Variants in SOX6 observed in about 807,000 individuals in gnomAD.
SOX6 encodes transcription factor SOX-6.
SOX6 carries 11 observed loss-of-function variants against 97.8 expected under a neutral mutation model. That is an observed-to-expected ratio of 0.11 (90% CI 0.07 to 0.19). SOX6 has a LOEUF of 0.19. SOX6 is among the 10% of genes least tolerant of loss of function. The pLI is 1.00. For synonymous variants in SOX6, 360 were observed against 371.4 expected (o/e 0.97, Z 0.35); for missense variants, 810 against 1,039.5 (o/e 0.78, Z 3.04).
intron 2 of SOX6, among the ~76,000 whole-genome samples, chr11:16,323,164 A>G (rs774911023): frequency 2.3e-4 from 35 of 152,306 alleles, no homozygotes; most frequent in Non-Finnish European, 4.0e-4. Flanking sequence ...ATGTTGATTC[A>G]GATAATCTAA....
chr11:16,458,650 A>T (rs575262080), intron 1 of SOX6, among the ~76,000 whole-genome samples: 1 of 152,190 alleles, frequency 6.6e-6, no homozygotes, highest in East Asian at 1.9e-4. Flanking sequence ...ATTATGTAAC[A>T]TTCCTCACAT....
chr11:15,982,378 C>G (rs963769342), intron 15 of SOX6, among the ~76,000 whole-genome samples: 20 of 151,998 alleles, frequency 1.3e-4, no homozygotes, highest in Admixed American at 1.1e-3. Flanking sequence ...CAGCAGAGTA[C>G]ACAGCACACA....
chr11:16,421,395 G>A (rs930324884), intron 1 of SOX6, among the ~76,000 whole-genome samples: 18 of 152,044 alleles, frequency 1.2e-4, no homozygotes, highest in Non-Finnish European at 2.4e-4. Flanking sequence ...TAGTAAGTCC[G>A]ATTTTAATGC....
chr11:16,134,309 G>A (rs1342609718), intron 6 of SOX6, among the ~76,000 whole-genome samples: 1 of 152,200 alleles, frequency 6.6e-6, no homozygotes, highest in Non-Finnish European at 1.5e-5. Context: ...ATGATGCTGA[G>A]ATTTTCAAGA....
At chr11:16,245,661 T>A (rs1482306077) in intron 3 of SOX6, among the ~76,000 whole-genome samples, 3 of 151,756 alleles carry the variant, frequency 2.0e-5, no homozygotes, top group East Asian at 3.8e-4. Context: ...TCTTCTTGGT[T>A]AATTGAACCT....
chr11:16,145,627 TA>T (rs1010697692), intron 6 of SOX6, among the ~76,000 whole-genome samples: 51 of 152,304 alleles, frequency 3.3e-4, no homozygotes, highest in African/African-American at 1.0e-3. Flanking sequence ...AAAATCTCCT[TA>T]AGCTGATAAG....
intron 3 of SOX6, among the ~76,000 whole-genome samples, chr11:16,261,261 A>C (rs145713536): frequency 9.7e-4 from 147 of 152,306 alleles, no homozygotes; most frequent in African/African-American, 3.0e-3. Flanking sequence ...CTAAACAAAA[A>C]TATGTGGAAT....
At chr11:16,652,542 G>T (rs1194097655) in intron 3 of SOX6, among the ~76,000 whole-genome samples, 1 of 152,074 alleles carries the variant, frequency 6.6e-6, no homozygotes, top group Non-Finnish European at 1.5e-5. Context: ...AATAGTGCTG[G>T]GATAATTGGT....
intron 12 of SOX6, among the ~76,000 whole-genome samples, chr11:16,038,779 T>C (rs1590150057): frequency 2.0e-5 from 3 of 152,238 alleles, no homozygotes; most frequent in South Asian, 2.1e-4. Context: ...AAGTATTCAA[T>C]GTCAGTCACA....
intron 3 of SOX6, among the ~76,000 whole-genome samples, chr11:16,671,055 T>C (rs1847844747): frequency 6.6e-6 from 1 of 152,090 alleles, no homozygotes; most frequent in African/African-American, 2.4e-5. Context: ...CATACCCCAC[T>C]ATGAAACAAA....
chr11:16,640,548 T>A (rs1848892602), intron 3 of SOX6, among the ~76,000 whole-genome samples: 1 of 152,196 alleles, frequency 6.6e-6, no homozygotes. Flanking sequence ...CCTGGACTTT[T>A]TTTGGTTGGT....
At chr11:16,347,962 G>A (rs974438538) in intron 1 of SOX6, among the ~76,000 whole-genome samples, 2 of 151,596 alleles carry the variant, frequency 1.3e-5, no homozygotes, top group Non-Finnish European at 2.9e-5. Flanking sequence ...ATGAAATAAG[G>A]TATAAGTTTC....
intron 6 of SOX6, among the ~76,000 whole-genome samples, chr11:16,117,339 G>A (rs190758802): frequency 5.3e-5 from 8 of 150,400 alleles, no homozygotes; most frequent in Non-Finnish European, 7.4e-5. Context: ...GCGACAGAGC[G>A]AGACTCCATC....
At chr11:16,466,657 G>A (rs1385755236) in intron 1 of SOX6, among the ~76,000 whole-genome samples, 2 of 150,458 alleles carry the variant, frequency 1.3e-5, no homozygotes, top group African/African-American at 2.4e-5. Flanking sequence ...CCGGCCGGGC[G>A]CGGTGGCTCA....
intron 1 of SOX6, among the ~76,000 whole-genome samples, chr11:16,392,866 C>T (rs73431697): frequency 0.045 from 6,839 of 152,106 alleles, 493 homozygotes; most frequent in African/African-American, 0.15. Flanking sequence ...ATATGTTTGT[C>T]CCTTAAGTTG....
intron 4 of SOX6, among the ~76,000 whole-genome samples, chr11:16,529,085 C>T (rs1204202322): frequency 6.6e-6 from 1 of 152,026 alleles, no homozygotes; most frequent in East Asian, 1.9e-4. Flanking sequence ...ATATGTCTGC[C>T]AATTTCTACC....
rs147814653 is a variant in SOX6 at position 16,418,518 on chromosome 11, A to T, written c.-5+57797T>A. Among the ~76,000 whole-genome samples the T allele has an allele frequency of 5.9e-5, 9 of 152,274 alleles. 1 individual carries two copies. Among genetic ancestry groups the T allele is most frequent in the African/African-American group, 2.2e-4 (9 of 41,568 alleles). On this transcript the variant is annotated intron_variant, in intron 1 of 15. Coordinates refer to the SOX6 transcript ENST00000396356. ...TAACAATTAGCCTTAAAAAAAGTGC[A>T]TCTGGAATAAGAGAAATGGGAAGAA...
chr11:16,529,440 C>T (rs1367371568), intron 4 of SOX6, among the ~76,000 whole-genome samples: 1 of 152,020 alleles, frequency 6.6e-6, no homozygotes, highest in Admixed American at 6.6e-5. Flanking sequence ...CTCTAACACA[C>T]AATGGAGAGA....
intron 3 of SOX6, among the ~76,000 whole-genome samples, chr11:16,282,173 G>A (rs1854585398): frequency 6.6e-6 from 1 of 150,846 alleles, no homozygotes; most frequent in Admixed American, 6.6e-5. Context: ...CAAATATATA[G>A]TCATGAAACT....
Sources: gnomAD v4.1 joint callset for allele counts (sites outside exome capture counted in the v4.1 genomes callset) on GRCh38, gnomAD v4.1.1 for gene constraint, MANE v1.5 for transcripts, NCBI Gene and HGNC (gene_info 2026-07-23, HGNC 2026-07-21) for gene names.